MED15: variants seen among roughly 807,000 people sequenced by gnomAD.
The protein encoded by MED15 is mediator complex subunit 15.
A neutral mutation model predicts 118.7 loss-of-function variants in MED15; 41 were observed. The ratio of observed to expected loss-of-function variants is 0.35; its 90% CI spans 0.27 to 0.45. The LOEUF (loss-of-function observed/expected upper bound fraction) is 0.45, where lower values mean the gene tolerates loss of function less well. Among genes scored for constraint, MED15 ranks in the 20% least tolerant of loss-of-function variants. The pLI, the probability that MED15 is intolerant of heterozygous loss-of-function variation, is 1.00. For missense variants in MED15, 740 were observed against 1,025.5 expected, an observed-to-expected ratio of 0.72 and a Z score of 3.80; for synonymous variants, 436 against 413.9, an observed-to-expected ratio of 1.05 and a Z score of -0.65.
rs1359924164 is a variant in MED15 at position 20,570,726 on chromosome 22, T to TTTTCTTTC, written c.1152+2111_1152+2118dup. 5.1e-3 allele frequency among the ~76,000 whole-genome samples: 582 copies of TTTTCTTTC among 113,768 alleles called. 9 individuals are homozygous for TTTTCTTTC. The highest frequency in any genetic ancestry group is 0.017 in the African/African-American group (520 of 31,134). 74.6% of individuals were successfully genotyped at this position (113,768 alleles called of 152,430 possible). ...CTTCTCTTCTCTTTTTTCTCTTTTC[T>TTTTCTTTC]TTTCTTTCTTTCTTTCTTTCTTTTT... On this transcript the variant is annotated intron_variant, in intron 8 of 17. Coordinates refer to ENST00000263205, the MANE Select transcript of MED15 (RefSeq NM_001003891.3).
intron 2 of MED15, among the ~76,000 whole-genome samples, chr22:20,548,222 C>T (rs1016570119): frequency 2.0e-5 from 3 of 151,754 alleles, no homozygotes; most frequent in African/African-American, 7.3e-5. Flanking sequence ...AGTGCAGTGG[C>T]GTGATCGCGG....
rs34408752 is a variant in MED15, at chr22:20,540,892, TCAACAACAACAACAA to T, written c.156+3701_156+3715del. 4.0e-3 allele frequency among the ~76,000 whole-genome samples: 594 copies of T among 149,992 alleles called. 5 individuals are homozygous for T. Among genetic ancestry groups the T allele is most frequent in the African/African-American group, 0.014 (555 of 40,830 alleles). On this transcript the variant is annotated intron_variant, in intron 2 of 17. Transcript: ENST00000263205. ...AGAATACATAAAGAACTCCTACAAC[TCAACAACAACAACAA>T]CAACAACAACAAAAAGCAACTAAAA...
At chr22:20,544,087 T>C (rs2055427700) in intron 2 of MED15, among the ~76,000 whole-genome samples, 1 of 152,234 alleles carries the variant, frequency 6.6e-6, no homozygotes, top group African/African-American at 2.4e-5. Flanking sequence ...CTGTTTTTGA[T>C]AGTATATGTA....
chr22:20,521,876 C>T (rs934926595), intron 1 of MED15, among the ~76,000 whole-genome samples: 11 of 151,946 alleles, frequency 7.2e-5, no homozygotes, highest in African/African-American at 2.7e-4. Context: ...CAGGCGTGCA[C>T]CACCATGCCT....
intron 11 of MED15, 34 bp from the exon 12 acceptor site, chr22:20,583,079 G>C: frequency 6.4e-7 from 1 of 1,562,094 alleles, no homozygotes; most frequent in Non-Finnish European, 8.7e-7. Context: ...CCCGAGGGTC[G>C]AGGGCTGTGG....
At chr22:20,567,374 G>C (rs1399690617) in intron 7 of MED15, among the ~76,000 whole-genome samples, 1 of 152,240 alleles carries the variant, frequency 6.6e-6, no homozygotes, top group African/African-American at 2.4e-5. Context: ...ACAGAGGACA[G>C]AGTATGATCA....
chr22:20,551,247 G>A, intron 2 of MED15, 189 bp from the exon 3 acceptor site: 1 of 724,926 alleles, frequency 1.4e-6, no homozygotes, highest in Non-Finnish European at 2.6e-6. Flanking sequence ...GCCTGTTATT[G>A]GCCAGCCTAG....
chr22:20,526,574 G>T (rs1325214053), intron 1 of MED15, among the ~76,000 whole-genome samples: 1 of 152,170 alleles, frequency 6.6e-6, no homozygotes, highest in East Asian at 1.9e-4. Context: ...TCCTAGGAAA[G>T]AATTGCCTTT....
chr22:20,555,162 T>A lies in MED15; in HGVS notation c.451+14T>A. ...CAACTCCACAGAGTGAGTACCACAC[T>A]TCTTGGAGGATTTGCCGCTTTCCTT... On this transcript the variant is annotated intron_variant, in intron 5 of 17. Transcript: ENST00000263205. The A allele has an allele frequency of 6.4e-7, 1 of 1,569,842 alleles. No homozygotes were observed. The highest frequency in any genetic ancestry group is 1.2e-5 in the South Asian group (1 of 86,614).
At chr22:20,547,820 C>CTAAAAAATAAAAAATAAAAAA (rs1282088152) in intron 2 of MED15, among the ~76,000 whole-genome samples, 13 of 151,740 alleles carry the variant, frequency 8.6e-5, no homozygotes, top group African/African-American at 3.2e-4. Context: ...GAGACTCCAT[C>CTAAAAAATAAAAAATAAAAAA]TAAAAAATAA....
chr22:20,582,781 G>A (rs1198613689), intron 10 of MED15, 34 bp downstream of exon 10: 1 of 1,592,324 alleles, frequency 6.3e-7, no homozygotes. Context: ...TCCCCACCTG[G>A]CCCTCGAGGC....
chr22:20,557,347 C>T (rs1274075995), intron 5 of MED15, among the ~76,000 whole-genome samples: 1 of 152,164 alleles, frequency 6.6e-6, no homozygotes, highest in Non-Finnish European at 1.5e-5. Flanking sequence ...TCCCAAGCCA[C>T]CTTCCCTTCT....
rs562834618 is a variant in MED15 at position 20,508,655 on chromosome 22, G to T, written c.68+909G>T. On this transcript the variant is annotated intron_variant, in intron 1 of 17. Coordinates refer to ENST00000263205, the MANE Select transcript of MED15 (RefSeq NM_001003891.3). ...ACAAAGAACCTTCTTAAGGGTGGGGGAGATTACAAAGTACATTGATCAGTT... is the reference window on the plus strand; with the variant it reads ...ACAAAGAACCTTCTTAAGGGTGGGGTAGATTACAAAGTACATTGATCAGTT... Among the ~76,000 whole-genome samples, 3 of 152,282 alleles carry T rather than the reference G, an allele frequency of 2.0e-5. No individual in the cohort carries two copies. The East Asian group carries it at 5.8e-4, about 29-fold the overall frequency.
chr22:20,518,907 C>T (rs1401238365), intron 1 of MED15: 1 of 452,718 alleles, frequency 2.2e-6, no homozygotes, highest in Non-Finnish European at 4.4e-6. Context: ...GGCTGAAGTG[C>T]AGTGGCGTGA....
Position 20,583,235 on chromosome 22 carries a change from G to A in MED15, c.1660G>A (p.Asp554Asn), listed in dbSNP as rs759723839. Reference sequence around the variant, plus strand: ...CCTGCGCCGCATGATCAACAAGATCGACAAGAACGAAGGTAGGCTGCAGCC... The same window carrying A: ...CCTGCGCCGCATGATCAACAAGATCAACAAGAACGAAGGTAGGCTGCAGCC... Reference protein sequence around the residue: ...EPLRRMINKIDKNEDRKKDLS... With the variant: ...EPLRRMINKINKNEDRKKDLS... Residue 554 changes from aspartate (D) to asparagine (N), a missense_variant, in exon 12 of 18, where the codon GAC becomes AAC. By Grantham distance (23) the Asp-to-Asn change is conservative (BLOSUM62 1). Coordinates refer to ENST00000263205, the MANE Select transcript of MED15 (RefSeq NM_001003891.3). 8.7e-6 allele frequency: 14 copies of A among 1,611,366 alleles called. No homozygotes were observed. The highest frequency in any genetic ancestry group is 2.2e-5 in the South Asian group (2 of 91,042).
chr22:20,523,816 CAACAGTACACAGTTTGAA>C, intron 1 of MED15: 1 of 985,438 alleles, frequency 1.0e-6, no homozygotes, highest in Non-Finnish European at 1.2e-6. Context: ...CTAGCTTAGA[CAACAGTACACAGTTTGAA>C]GGGCAGCAGC....
intron 2 of MED15, among the ~76,000 whole-genome samples, chr22:20,546,352 CT>C (rs1219575027): frequency 6.6e-6 from 1 of 152,136 alleles, no homozygotes; most frequent in Non-Finnish European, 1.5e-5. Flanking sequence ...TTCTGGGCAT[CT>C]TGATATTCCC....
At chr22:20,582,316 C>T in intron 9 of MED15, 1 of 516,420 alleles carries the variant, frequency 1.9e-6, no homozygotes, top group East Asian at 3.6e-5. Context: ...CCCAGACTGC[C>T]CTTTTCCTCA....
At chr22:20,564,872 T>C (rs2056379145) in intron 6 of MED15, among the ~76,000 whole-genome samples, 184 bp downstream of exon 6, 1 of 152,208 alleles carries the variant, frequency 6.6e-6, no homozygotes, top group Non-Finnish European at 1.5e-5. Flanking sequence ...GGCTCATGCC[T>C]GTAATCCCAG....
Sources: allele counts gnomAD v4.1 joint callset (sites outside exome capture counted in the v4.1 genomes callset), GRCh38; gene constraint gnomAD v4.1.1; transcripts MANE v1.5; gene names NCBI Gene and HGNC (gene_info 2026-07-23, HGNC 2026-07-21).